DPH6: variants seen among roughly 807,000 people sequenced by gnomAD.
DPH6 encodes the protein diphthine--ammonia ligase.
Under a neutral mutation model 38.2 loss-of-function variants are expected in DPH6, and 33 were observed. The ratio of observed to expected loss-of-function variants is 0.86; its 90% CI spans 0.65 to 1.15. DPH6 has a LOEUF of 1.15. DPH6 is among the 50% of genes most tolerant of loss of function. The probability of loss-of-function intolerance (pLI) is 0.00; values close to 1 mark genes in which losing one functional copy is unlikely to be tolerated. For missense variants in DPH6, 325 were observed against 320.0 expected, an observed-to-expected ratio of 1.02 and a Z score of -0.12; for synonymous variants, 108 against 103.0, an observed-to-expected ratio of 1.05 and a Z score of -0.30.
chr15:35,391,682 C>T (rs1445081847), intron 6 of DPH6, among the ~76,000 whole-genome samples: 1 of 152,148 alleles, frequency 6.6e-6, no homozygotes, highest in Non-Finnish European at 1.5e-5. Context: ...TTTGTTAAGC[C>T]CGTTGGAAAA....
At chr15:35,308,024 C>A (rs1216485448) in intron 3 of DPH6, among the ~76,000 whole-genome samples, 2 of 152,110 alleles carry the variant, frequency 1.3e-5, no homozygotes, top group African/African-American at 4.8e-5. Context: ...GTAATCCCAG[C>A]AATTTGGGAG....
intron 3 of DPH6, among the ~76,000 whole-genome samples, chr15:35,462,301 C>G (rs1693492414): frequency 1.3e-5 from 2 of 152,202 alleles, no homozygotes; most frequent in Admixed American, 1.3e-4. Context: ...TAAACACAAG[C>G]CATGGCATGA....
chr15:35,413,680 G>A (rs1277110141), intron 5 of DPH6, among the ~76,000 whole-genome samples: 1 of 151,224 alleles, frequency 6.6e-6, no homozygotes, highest in African/African-American at 2.4e-5. Flanking sequence ...TGTTTTAGAT[G>A]CCCACATATA....
chr15:35,449,992 T>A (rs933804492), intron 5 of DPH6, among the ~76,000 whole-genome samples: 1 of 152,136 alleles, frequency 6.6e-6, no homozygotes, highest in Non-Finnish European at 1.5e-5. Context: ...GGGCATTTTC[T>A]ATAACAGGTT....
intron 6 of DPH6, among the ~76,000 whole-genome samples, chr15:35,397,918 A>T (rs1396533104): frequency 2.6e-5 from 3 of 115,510 alleles, no homozygotes; most frequent in Admixed American, 8.9e-5. Context: ...CACACACAAG[A>T]TTCTGAGACC....
the DPH6 span, among the ~76,000 whole-genome samples, chr15:35,205,647 T>C: frequency 6.6e-6 from 1 of 152,092 alleles, no homozygotes; most frequent in African/African-American, 2.4e-5. Flanking sequence ...ATATTTCCAA[T>C]TGTCTTTTTG....
At chr15:35,239,913 T>C (rs1196476038) in intron 3 of DPH6, among the ~76,000 whole-genome samples, 1 of 140,080 alleles carries the variant, frequency 7.1e-6, no homozygotes, top group Admixed American at 7.8e-5. Flanking sequence ...CGCCCTAACC[T>C]CTTATCTCTG....
chr15:35,377,257 A>G (rs1478724644), intron 7 of DPH6, among the ~76,000 whole-genome samples: 1 of 152,110 alleles, frequency 6.6e-6, no homozygotes, highest in Non-Finnish European at 1.5e-5. Flanking sequence ...AAATGAGGAT[A>G]AAGTGTTTTA....
intron 3 of DPH6, among the ~76,000 whole-genome samples, chr15:35,498,364 C>T (rs1436477299): frequency 6.6e-6 from 1 of 152,140 alleles, no homozygotes; most frequent in African/African-American, 2.4e-5. Flanking sequence ...ACTGTTTCCT[C>T]CTTACTGTCA....
intron 3 of DPH6, among the ~76,000 whole-genome samples, chr15:35,321,762 C>T (rs1359186930): frequency 6.6e-6 from 1 of 152,182 alleles, no homozygotes; most frequent in African/African-American, 2.4e-5. Flanking sequence ...CATGTTTCTT[C>T]CCACTTCTCA....
chr15:35,279,068 A>AAAAAAT lies in DPH6; in HGVS notation n.201-58487_201-58486insATTTTT, dbSNP rs1555390826. On this transcript the variant is annotated intron_variant and non_coding_transcript_variant, in intron 3 of 3. Transcript: ENST00000560386. ...TGTCTCAAAAAAAAAAAAAAAAAAA[A>AAAAAAT]ATATATATATATATATAATTTTGGA... 2.0e-4 allele frequency among the ~76,000 whole-genome samples: 21 copies of AAAAAAT among 102,972 alleles called. No individual in the cohort carries two copies. The East Asian group carries it at 4.2e-3, about 21-fold the overall frequency. 67.6% of individuals were successfully genotyped at this position (102,972 alleles called of 152,430 possible).
intron 6 of DPH6, chr15:35,401,247 T>G: frequency 9.5e-7 from 1 of 1,057,594 alleles, no homozygotes; most frequent in Non-Finnish European, 1.5e-6. Context: ...AAAGTGGTTC[T>G]GGAAACTTTG....
At chr15:35,480,619 C>T (rs1311275593) in intron 3 of DPH6, among the ~76,000 whole-genome samples, 1 of 151,916 alleles carries the variant, frequency 6.6e-6, no homozygotes, top group Non-Finnish European at 1.5e-5. Context: ...TTTAAACAAG[C>T]TCAATAATAT....
At chr15:35,240,076 C>T (rs1419770848) in intron 3 of DPH6, among the ~76,000 whole-genome samples, 1 of 142,664 alleles carries the variant, frequency 7.0e-6, no homozygotes, top group African/African-American at 2.5e-5. Context: ...CTTCTTCTCC[C>T]TTAGCCTGTG....
chr15:35,421,884 A>G (rs1014975163), intron 5 of DPH6, among the ~76,000 whole-genome samples: 1 of 152,120 alleles, frequency 6.6e-6, no homozygotes, highest in Non-Finnish European at 1.5e-5. Context: ...ATAAGACTGA[A>G]GGTAAGAAGG....
chr15:35,218,986 G>A (rs544112501), exon 4 of DPH6: 18 of 152,146 alleles, frequency 1.2e-4, no homozygotes, highest in Non-Finnish European at 2.2e-4. Flanking sequence ...GGATTCCAGA[G>A]GCATACAGTT....
chr15:35,422,611 A>C (rs554386190), intron 5 of DPH6, among the ~76,000 whole-genome samples: 1 of 152,056 alleles, frequency 6.6e-6, no homozygotes, highest in East Asian at 1.9e-4. Context: ...GCAAATTTCA[A>C]GTATACAACA....
At chr15:35,343,671 CTT>C (rs2052439941) in intron 3 of DPH6, among the ~76,000 whole-genome samples, 1 of 151,970 alleles carries the variant, frequency 6.6e-6, no homozygotes, top group African/African-American at 2.4e-5. Flanking sequence ...TAAAGGCTAA[CTT>C]AACAAATATT....
At chr15:35,326,671 A>T (rs1482972485), downstream of DPH6, among the ~76,000 whole-genome samples, 1 of 152,118 alleles carries the variant, frequency 6.6e-6, no homozygotes, top group African/African-American at 2.4e-5. Flanking sequence ...CCTGGGTTCA[A>T]GCAACCCTCC....
Sources: gnomAD v4.1 joint callset for allele counts (sites outside exome capture counted in the v4.1 genomes callset) on GRCh38, gnomAD v4.1.1 for gene constraint, MANE v1.5 for transcripts, NCBI Gene and HGNC (gene_info 2026-07-23, HGNC 2026-07-21) for gene names.